The following GRM5 variants were observed in gnomAD, a reference collection of about 807,000 sequenced individuals.
The protein encoded by GRM5 is metabotropic glutamate receptor 5.
In GRM5, 19 loss-of-function variants were observed where a neutral mutation model predicts 83.1. The observed-to-expected ratio is 0.23, with a 90% CI of 0.16 to 0.34. GRM5 has a LOEUF of 0.34. Ranked by LOEUF, GRM5 falls within the 10% of genes least tolerant of loss-of-function variation. GRM5 has a pLI of 1.00. For synonymous variants in GRM5, 675 were observed against 633.6 expected (o/e 1.07, Z -0.98); for missense variants, 1,160 against 1,588.3 (o/e 0.73, Z 4.58).
Position 89,000,457 on chromosome 11 carries a change from AATTCATAGC to A in GRM5, c.661+46746_661+46754del, listed in dbSNP as rs1271519497. On this transcript the variant is annotated intron_variant, in intron 2 of 9. Transcript: ENST00000305447. ...TTTGACAAAGGTATTAAAACAATTC[AATTCATAGC>A]CTTTTTAATAAGTGATATTGGAGTA... is the stretch of plus-strand genomic sequence containing the variant. Among the ~76,000 whole-genome samples the A allele has an allele frequency of 2.6e-5, 4 of 152,272 alleles. No individual in the cohort carries two copies. The South Asian group carries it at 8.3e-4, about 32-fold the overall frequency.
At chr11:88,827,617 C>G (rs910966258) in intron 3 of GRM5, among the ~76,000 whole-genome samples, 2 of 152,190 alleles carry the variant, frequency 1.3e-5, no homozygotes, top group Non-Finnish European at 2.9e-5. Flanking sequence ...CCTGCTGCTT[C>G]TTCCAGACCT....
rs1244738038 is a variant in GRM5 at position 88,908,862 on chromosome 11, G to A, written c.662-58707C>T. On this transcript the variant is annotated intron_variant, in intron 2 of 9. Coordinates refer to ENST00000305447, the MANE Select transcript of GRM5 (RefSeq NM_001143831.3). ...AATGAGTCACATTTACAAAGTGTGA[G>A]TTTACCTATATGCATATGGTGGTCC... 2.6e-5 allele frequency among the ~76,000 whole-genome samples: 4 copies of A among 152,088 alleles called. No homozygotes were observed. The East Asian group carries it at 7.7e-4, about 29-fold the overall frequency.
intron 3 of GRM5, among the ~76,000 whole-genome samples, chr11:88,803,558 C>T (rs565192153): frequency 7.9e-5 from 12 of 152,252 alleles, no homozygotes; most frequent in Non-Finnish European, 1.6e-4. Context: ...AAGACTTAAA[C>T]GTTGGACCTA....
At chr11:88,592,920 C>T (rs1937678445) in intron 6 of GRM5, among the ~76,000 whole-genome samples, 1 of 152,064 alleles carries the variant, frequency 6.6e-6, no homozygotes, top group South Asian at 2.1e-4. Flanking sequence ...CCCAAGAGAG[C>T]CTCCCACCTC....
At chr11:88,726,785 A>G (rs1182441191) in intron 3 of GRM5, among the ~76,000 whole-genome samples, 4 of 23,756 alleles carry the variant, frequency 1.7e-4, no homozygotes, top group African/African-American at 2.5e-4. Flanking sequence ...ATATCCAGCC[A>G]ACTAAACTTC....
At chr11:88,902,111 T>C (rs1386615195) in intron 2 of GRM5, among the ~76,000 whole-genome samples, 1 of 152,110 alleles carries the variant, frequency 6.6e-6, no homozygotes, top group East Asian at 1.9e-4. Context: ...TTTCTCTTTC[T>C]GGCTTAGGCT....
intron 3 of GRM5, among the ~76,000 whole-genome samples, chr11:88,763,744 A>G (rs1472335289): frequency 1.3e-5 from 2 of 151,790 alleles, no homozygotes; most frequent in Admixed American, 6.6e-5. Flanking sequence ...CACAAATAAG[A>G]TAGCTATAGA....
At chr11:88,922,727 G>T (rs1415415410) in intron 2 of GRM5, among the ~76,000 whole-genome samples, 4 of 151,978 alleles carry the variant, frequency 2.6e-5, no homozygotes, top group Non-Finnish European at 4.4e-5. Context: ...ATGGACAAAG[G>T]GGATCATATC....
At chr11:88,762,952 C>T (rs768149785) in intron 3 of GRM5, among the ~76,000 whole-genome samples, 2 of 151,780 alleles carry the variant, frequency 1.3e-5, no homozygotes, top group Non-Finnish European at 2.9e-5. Flanking sequence ...TTCTCAATTA[C>T]AAGTGGGAGC....
chr11:88,925,499 A>G (rs563244081), intron 2 of GRM5, among the ~76,000 whole-genome samples: 1 of 152,120 alleles, frequency 6.6e-6, no homozygotes, highest in East Asian at 1.9e-4. Flanking sequence ...ATTCACCATC[A>G]GGGGTTCCTA....
At chr11:88,743,407 G>A (rs960161156) in intron 3 of GRM5, among the ~76,000 whole-genome samples, 23 of 152,096 alleles carry the variant, frequency 1.5e-4, no homozygotes, top group African/African-American at 4.8e-4. Context: ...TGAGTATAAT[G>A]GAACTTTATC....
intron 9 of GRM5, among the ~76,000 whole-genome samples, chr11:88,520,091 T>G (rs1281907284): frequency 2.0e-5 from 3 of 152,192 alleles, no homozygotes; most frequent in Non-Finnish European, 4.4e-5. Context: ...ATCCTCATTT[T>G]CCTGTGTGTA....
At chr11:88,671,722 A>C (rs952254481) in intron 3 of GRM5, among the ~76,000 whole-genome samples, 5 of 152,118 alleles carry the variant, frequency 3.3e-5, no homozygotes, top group African/African-American at 1.2e-4. Flanking sequence ...AGAAGGCAAT[A>C]ACCCAGAATA....
intron 9 of GRM5, among the ~76,000 whole-genome samples, chr11:88,510,270 C>A (rs564112751): frequency 3.0e-4 from 45 of 152,208 alleles, no homozygotes; most frequent in Non-Finnish European, 6.0e-4. Context: ...AGAGTGATCT[C>A]AAATTAGGAT....
intron 3 of GRM5, among the ~76,000 whole-genome samples, chr11:88,714,930 C>T (rs989461294): frequency 6.6e-6 from 1 of 151,874 alleles, no homozygotes; most frequent in Admixed American, 6.6e-5. Flanking sequence ...ACTGAGTTTT[C>T]TTCAGAATTA....
chr11:88,531,119 C>T (rs1941997995), intron 8 of GRM5, among the ~76,000 whole-genome samples: 1 of 152,078 alleles, frequency 6.6e-6, no homozygotes, highest in Admixed American at 6.6e-5. Flanking sequence ...TTAATTTTCA[C>T]ATTTTTGTAT....
intron 2 of GRM5, among the ~76,000 whole-genome samples, chr11:88,987,132 G>T (rs1431722807): frequency 6.6e-6 from 1 of 152,180 alleles, no homozygotes; most frequent in South Asian, 2.1e-4. Context: ...CAGACAGTGG[G>T]CGCAGGTCAG....
chr11:88,545,086 ACT>A (rs1418234115), intron 8 of GRM5, among the ~76,000 whole-genome samples: 6 of 152,004 alleles, frequency 3.9e-5, no homozygotes, highest in Admixed American at 3.9e-4. Flanking sequence ...ATGACTCTTA[ACT>A]CTATCTAACC....
intron 2 of GRM5, among the ~76,000 whole-genome samples, chr11:88,994,923 C>T (rs1477597350): frequency 1.3e-5 from 2 of 151,998 alleles, no homozygotes; most frequent in Non-Finnish European, 2.9e-5. Context: ...TAACATTTAC[C>T]TATGCTTTCA....
Sources: allele counts gnomAD v4.1 joint callset (sites outside exome capture counted in the v4.1 genomes callset), GRCh38; gene constraint gnomAD v4.1.1; transcripts MANE v1.5; gene names NCBI Gene and HGNC (gene_info 2026-07-23, HGNC 2026-07-21).